Variants in VASH2 observed in about 807,000 individuals in gnomAD.
The protein encoded by VASH2 is tubulinyl-Tyr carboxypeptidase 2.
Under a neutral mutation model 37.2 loss-of-function variants are expected in VASH2, and 28 were observed. The observed-to-expected ratio is 0.75, with a 90% confidence interval of 0.56 to 1.03. VASH2 has a LOEUF of 1.03. Among genes scored for constraint, VASH2 ranks in the 50% least tolerant of loss-of-function variants. The pLI, the probability that VASH2 is intolerant of heterozygous loss-of-function variation, is 0.00. For missense variants in VASH2, 419 were observed against 459.1 expected, an observed-to-expected ratio of 0.91 and a Z score of 0.80; for synonymous variants, 188 against 174.7, an observed-to-expected ratio of 1.08 and a Z score of -0.60.
In VASH2 at chr1:212,950,991, C is replaced by T. The variant is rs950648930; in HGVS notation, c.-205+251C>T. On this transcript the variant is annotated intron_variant, in intron 1 of 7. Transcript: ENST00000517399. This position sits in a 1 kb window ranked among gnomAD's most constrained non-coding sequence, Gnocchi z 5.5. ...GTTCGTGGCTCCCCTCCTCTCTTGGCCACATCTGAGGACCCAGGAATGTGT... is the reference window on the plus strand; with the variant it reads ...GTTCGTGGCTCCCCTCCTCTCTTGGTCACATCTGAGGACCCAGGAATGTGT... 6.6e-6 allele frequency among the ~76,000 whole-genome samples: 1 copy of T among 152,244 alleles called. No homozygotes were observed. Among genetic ancestry groups the T allele is most frequent in the East Asian group, 1.9e-4 (1 of 5,192 alleles).
chr1:212,954,393 T>A (rs1484086539), intron 2 of VASH2, among the ~76,000 whole-genome samples: 1 of 152,150 alleles, frequency 6.6e-6, no homozygotes, highest in African/African-American at 2.4e-5. Context: ...TTTTCCATTA[T>A]TGTAGCTGAA....
rs1666303282 is a variant in VASH2 at position 212,951,501 on chromosome 1, G to C, written c.-42G>C. On this transcript the variant is annotated 5_prime_UTR_variant, in exon 2 of 8. Coordinates refer to ENST00000517399, the MANE Select transcript of VASH2 (RefSeq NM_001301056.2). The surrounding 1 kb of genome is among the most constrained non-coding windows in gnomAD (Gnocchi z 4.4). ...CCCCGCCGCCGCCGCCGCTGCCGCC[G>C]CCGCGCGCCCCCAGTACCTCGCTCC... 1 of 1,212,228 alleles carries C rather than the reference G, an allele frequency of 8.2e-7. No homozygotes were observed. The highest frequency in any genetic ancestry group is 4.1e-5 in the South Asian group (1 of 24,156). The allele number at this position is 1,212,228 out of a possible 1,614,324, so 75.1% of individuals were successfully genotyped here.
In VASH2 at chr1:212,971,920, A is replaced by C. The variant is rs998479242; in HGVS notation, c.498-660A>C. ...TGTGCCCAGGGAATGCCAGGATGTGAGACACAACCCCCGCCCTCACAAGAT... is the reference window on the plus strand; with the variant it reads ...TGTGCCCAGGGAATGCCAGGATGTGCGACACAACCCCCGCCCTCACAAGAT... On this transcript the variant is annotated intron_variant, in intron 5 of 7. Coordinates refer to ENST00000517399, the MANE Select transcript of VASH2 (RefSeq NM_001301056.2). This position sits in a 1 kb window ranked among gnomAD's most constrained non-coding sequence, Gnocchi z 4.0. Among the ~76,000 whole-genome samples the C allele has an allele frequency of 2.0e-5, 3 of 152,182 alleles. No individual in the cohort carries two copies. The East Asian group carries it at 5.8e-4, about 29-fold the overall frequency.
Position 212,965,583 on chromosome 1 carries a change from GC to G in VASH2, c.366-138del, listed in dbSNP as rs1355711441. ...AGTGAGGAGTTAGAGGCTACTACTA[GC>G]TACCTTCTGGGTGCTGGCGACTTCT... On this transcript the variant is annotated intron_variant, in intron 3 of 7. Transcript: ENST00000517399. 32 of 688,542 alleles carry G rather than the reference GC, an allele frequency of 4.6e-5. No individual in the cohort carries two copies. The South Asian group carries it at 5.8e-4, about 13-fold the overall frequency. The allele number at this position is 688,542 out of a possible 1,614,324, so 42.7% of individuals were successfully genotyped here.
intron 7 of VASH2, among the ~76,000 whole-genome samples, chr1:212,984,383 C>T (rs1228025169): frequency 6.6e-6 from 1 of 152,126 alleles, no homozygotes; most frequent in African/African-American, 2.4e-5. Flanking sequence ...CTGCAGTGAT[C>T]CCAGTGAGCC....
chr1:212,966,383 A>G, intron 5 of VASH2, 38 bp downstream of exon 5: 1 of 1,526,794 alleles, frequency 6.5e-7, no homozygotes, highest in Middle Eastern at 1.7e-4. Flanking sequence ...TTACTCCATA[A>G]ATGGCGGCTT....
intron 2 of VASH2, among the ~76,000 whole-genome samples, chr1:212,960,452 C>G (rs1666639719): frequency 6.6e-6 from 1 of 152,266 alleles, no homozygotes; most frequent in East Asian, 1.9e-4. Context: ...GGGGGTGGGA[C>G]TCAGGGAAAG....
rs1043070412 is a variant in VASH2 at position 212,989,953 on chromosome 1, G to A, written c.*1369G>A. ...TATCTTAGCAACAATGCCAACTCAG[G>A]AGAGCAGACGGCCGATTTCAGTGAA... is the stretch of plus-strand genomic sequence containing the variant. On this transcript the variant is annotated 3_prime_UTR_variant, in exon 8 of 8. Coordinates refer to ENST00000517399, the MANE Select transcript of VASH2 (RefSeq NM_001301056.2). The A allele has an allele frequency of 6.6e-6, 1 of 152,032 alleles. No homozygotes were observed. Among genetic ancestry groups the A allele is most frequent in the South Asian group, 2.1e-4 (1 of 4,820 alleles). The allele number at this position is 152,032 out of a possible 1,614,324, so 9.4% of individuals were successfully genotyped here. A position where few individuals can be genotyped will look rare whatever the true frequency, so the allele number is the denominator to read the frequency against.
chr1:212,966,925 G>C (rs1666866693), intron 5 of VASH2: 2 of 388,916 alleles, frequency 5.1e-6, no homozygotes, highest in Admixed American at 3.4e-5. Context: ...ATTTTTGGTA[G>C]AGATGAGGTT....
intron 7 of VASH2, among the ~76,000 whole-genome samples, chr1:212,976,311 T>C (rs748486332): frequency 7.8e-4 from 119 of 152,198 alleles, no homozygotes; most frequent in Admixed American, 3.3e-4. Flanking sequence ...CTGGGCATGG[T>C]GGTTCACACC....
intron 2 of VASH2, among the ~76,000 whole-genome samples, chr1:212,955,693 C>T (rs1035354354): frequency 2.0e-5 from 3 of 152,298 alleles, no homozygotes; most frequent in South Asian, 2.1e-4. Flanking sequence ...GCCTTATTCT[C>T]GAGTTGATTC....
intron 2 of VASH2, among the ~76,000 whole-genome samples, chr1:212,957,764 C>T (rs1666541202): frequency 6.6e-6 from 1 of 152,110 alleles, no homozygotes; most frequent in African/African-American, 2.4e-5. Flanking sequence ...GCGCCTACCA[C>T]CATGCCCAGC....
At chr1:212,964,392 T>G (rs568165647) in intron 3 of VASH2, among the ~76,000 whole-genome samples, 108 of 152,360 alleles carry the variant, frequency 7.1e-4, no homozygotes, top group Non-Finnish European at 1.3e-3. Context: ...GCTCTGGGCA[T>G]AGAAATTCAG....
In VASH2 at chr1:212,951,477, C is replaced by G; in HGVS notation, c.-66C>G. 2.8e-6 allele frequency: 3 copies of G among 1,067,962 alleles called. No homozygotes were observed. Among genetic ancestry groups the G allele is most frequent in the Non-Finnish European group, 3.5e-6 (3 of 869,554 alleles). 66.2% of individuals were successfully genotyped at this position (1,067,962 alleles called of 1,614,324 possible). A position where few individuals can be genotyped will look rare whatever the true frequency, so the allele number is the denominator to read the frequency against. On this transcript the variant is annotated 5_prime_UTR_variant, in exon 2 of 8. Coordinates refer to ENST00000517399, the MANE Select transcript of VASH2 (RefSeq NM_001301056.2). This position sits in a 1 kb window ranked among gnomAD's most constrained non-coding sequence, Gnocchi z 4.4. ...TCGCCGCGCCCGCGCGCACACGCCCCCCGCCGCCGCCGCCGCTGCCGCCGC... is the reference window on the plus strand; with the variant it reads ...TCGCCGCGCCCGCGCGCACACGCCCGCCGCCGCCGCCGCCGCTGCCGCCGC...
At chr1:212,973,337 T>TTA in intron 6 of VASH2, 1 of 1,243,396 alleles carries the variant, frequency 8.0e-7, no homozygotes, top group Admixed American at 2.3e-5. Flanking sequence ...ATGCTGGCCT[T>TTA]ATATAGACTA....
chr1:212,967,077 G>T, intron 5 of VASH2: 2 of 1,302,618 alleles, frequency 1.5e-6, no homozygotes, highest in Middle Eastern at 2.1e-4. Context: ...GGCGTGTGGA[G>T]GAGACCAAGC....
chr1:212,981,105 G>A (rs555739580), intron 7 of VASH2, among the ~76,000 whole-genome samples: 39 of 152,292 alleles, frequency 2.6e-4, no homozygotes, highest in South Asian at 1.0e-3. Flanking sequence ...TTCTTGTCCC[G>A]GAAAGGAGAA....
Position 212,988,832 on chromosome 1 carries a change from G to T in VASH2, c.*248G>T. Reference sequence around the variant, plus strand: ...TATGTCCCTCACTCAAGATCTTAAGGATAACCGTAACTGAAGTTTTATATT... The same window carrying T: ...TATGTCCCTCACTCAAGATCTTAAGTATAACCGTAACTGAAGTTTTATATT... On this transcript the variant is annotated 3_prime_UTR_variant, in exon 8 of 8. Coordinates refer to ENST00000517399, the MANE Select transcript of VASH2 (RefSeq NM_001301056.2). 4.3e-6 allele frequency: 2 copies of T among 470,522 alleles called. No individual in the cohort carries two copies. The highest frequency in any genetic ancestry group is 3.3e-5 in the Admixed American group (1 of 30,210). The allele number at this position is 470,522 out of a possible 1,614,324, so 29.1% of individuals were successfully genotyped here.
chr1:212,969,159 C>G, intron 5 of VASH2: 1 of 985,138 alleles, frequency 1.0e-6, no homozygotes, highest in Non-Finnish European at 1.2e-6. Context: ...TTGACTCTTG[C>G]ACACAGACAG....
Sources: gnomAD v4.1 joint callset for allele counts (sites outside exome capture counted in the v4.1 genomes callset) on GRCh38, gnomAD v4.1.1 for gene constraint, Gnocchi (gnomAD v3.1) non-coding constraint, MANE v1.5 for transcripts, NCBI Gene and HGNC (gene_info 2026-07-23, HGNC 2026-07-21) for gene names.